The following KCNJ10 variants were observed in gnomAD, a reference collection of about 807,000 sequenced individuals.
The protein encoded by KCNJ10 is potassium inwardly rectifying channel subfamily J member 10, also known as ATP-sensitive inward rectifier potassium channel 10.
KCNJ10 carries 9 observed loss-of-function variants against 22.2 expected under a neutral mutation model. The ratio of observed to expected loss-of-function variants is 0.40; its 90% CI spans 0.24 to 0.71. The LOEUF is 0.71. Ranked by LOEUF, KCNJ10 falls within the 30% of genes least tolerant of loss-of-function variation. The pLI, the probability that KCNJ10 is intolerant of heterozygous loss-of-function variation, is 0.35. For missense variants in KCNJ10, 337 were observed against 482.7 expected, an observed-to-expected ratio of 0.70 and a Z score of 2.83; for synonymous variants, 184 against 187.3, an observed-to-expected ratio of 0.98 and a Z score of 0.15.
At chr1:160,056,488 C>G (rs1649038876) in intron 1 of KCNJ10, among the ~76,000 whole-genome samples, 1 of 152,182 alleles carries the variant, frequency 6.6e-6, no homozygotes, top group Non-Finnish European at 1.5e-5. Flanking sequence ...CTGCCTGCTC[C>G]AAGACTCCCC....
intron 1 of KCNJ10, among the ~76,000 whole-genome samples, chr1:160,054,967 T>C (rs1360628871): frequency 6.6e-6 from 1 of 152,176 alleles, no homozygotes; most frequent in Non-Finnish European, 1.5e-5. Context: ...CTCCACCCCA[T>C]GCGGAAGACT....
At position 160,041,801 on chromosome 1, in the gene KCNJ10, A is replaced by T; in HGVS notation, c.732T>A (p.Ser244=). ...VNVTFQVDTA[S]DSPFLILPLT... ...GGGGTAGAATAAGGAAGGGGCTGTC[A>T]GAGGCTGTGTCTACTTGGAAAGTCA... The change falls in exon 2 of 2, where the codon TCT becomes TCA. Residue 244 remains serine (S), a synonymous_variant. Coordinates refer to ENST00000644903, the MANE Select transcript of KCNJ10 (RefSeq NM_002241.5). This position sits in a 1 kb window ranked among gnomAD's most constrained non-coding sequence, Gnocchi z 4.4. 1 of 1,614,234 alleles carries T rather than the reference A, an allele frequency of 6.2e-7. No individual in the cohort carries two copies. The highest frequency in any genetic ancestry group is 8.5e-7 in the Non-Finnish European group (1 of 1,180,036).
chr1:160,042,481 G>T lies in KCNJ10; in HGVS notation c.52C>A (p.Arg18=). ...YYSQTTQTES[R]PLMGPGIRRR... ...CGTATCCCTGGGCCCATTAGGGGCC[G>T]GCTTTCTGTCTGAGTGGTCTGACTG... Residue 18 remains arginine (R), a synonymous_variant, in exon 2 of 2, where the codon CGG becomes AGG. Coordinates refer to ENST00000644903, the MANE Select transcript of KCNJ10 (RefSeq NM_002241.5). The T allele has an allele frequency of 6.2e-7, 1 of 1,614,154 alleles. No homozygotes were observed. The highest frequency in any genetic ancestry group is 2.2e-5 in the East Asian group (1 of 44,878).
chr1:160,048,817 C>A lies in KCNJ10; in HGVS notation c.1-6285G>T, dbSNP rs192026247. ...GCTGTGGATTTATTATTTGTGCCTC[C>A]TCTCCTTCATTCCATTGTCTTTTTT... On this transcript the variant is annotated intron_variant, in intron 1 of 1. Transcript: ENST00000644903. Among the ~76,000 whole-genome samples, 201 of 152,110 alleles carry A rather than the reference C, an allele frequency of 1.3e-3. 2 individuals carry two copies. The highest frequency in any genetic ancestry group is 7.9e-3 in the South Asian group (38 of 4,802).
intron 1 of KCNJ10, among the ~76,000 whole-genome samples, chr1:160,055,229 G>A (rs937158582): frequency 2.0e-5 from 3 of 152,178 alleles, no homozygotes; most frequent in African/African-American, 7.2e-5. Flanking sequence ...ATGGGGTTTT[G>A]AAGTCTACAA....
chr1:160,057,007 C>T (rs1008612959), intron 1 of KCNJ10, among the ~76,000 whole-genome samples: 5 of 152,146 alleles, frequency 3.3e-5, no homozygotes, highest in African/African-American at 1.2e-4. Flanking sequence ...ATTCTCCTTT[C>T]CCGCTATTTG....
At position 160,041,912 on chromosome 1, in the gene KCNJ10, G is replaced by A. The variant is rs773264776; in HGVS notation, c.621C>T (p.Leu207=). The A allele has an allele frequency of 9.9e-6, 16 of 1,614,034 alleles. No homozygotes were observed. The highest frequency in any genetic ancestry group is 3.3e-5 in the Admixed American group (2 of 60,008). Residue 207 remains leucine, a synonymous_variant, in exon 2 of 2, where the codon CTC becomes CTT. Coordinates refer to ENST00000644903, the MANE Select transcript of KCNJ10 (RefSeq NM_002241.5). This position sits in a 1 kb window ranked among gnomAD's most constrained non-coding sequence, Gnocchi z 4.4. ...TTCCTGTCACCTGGCAGCCAATGAG[G>A]AGGCTTTTGCGCATATTGGCAACTC... ...MIRVANMRKS[L]LIGCQVTGKL... is the part of the protein sequence containing the mutation.
At chr1:160,050,366 C>CAA (rs1051309105) in intron 1 of KCNJ10, among the ~76,000 whole-genome samples, 5 of 151,620 alleles carry the variant, frequency 3.3e-5, no homozygotes, top group Non-Finnish European at 5.9e-5. Flanking sequence ...CTCCTGGGCT[C>CAA]AAGCCATCCT....
At chr1:160,049,675 T>A (rs868840777) in intron 1 of KCNJ10, among the ~76,000 whole-genome samples, 25 of 47,096 alleles carry the variant, frequency 5.3e-4, no homozygotes, top group East Asian at 3.3e-3. Context: ...TTTTATTTAT[T>A]TATATATATA....
chr1:160,044,824 G>A (rs1440809145), intron 1 of KCNJ10: 1 of 152,132 alleles, frequency 6.6e-6, no homozygotes, highest in Non-Finnish European at 1.5e-5. Flanking sequence ...AAACCATCCT[G>A]GGAAACAGCA....
At position 160,049,678 on chromosome 1, in the gene KCNJ10, TATATATATATATA is replaced by T. The variant is rs1557970337; in HGVS notation, c.1-7159_1-7147del. On this transcript the variant is annotated intron_variant, in intron 1 of 1. Transcript: ENST00000644903. Reference sequence around the variant, plus strand: ...AAGGATCCAGCATTTTATTTATTTATATATATATATATATATATATATATATATATATATATAT... The same window carrying T: ...AAGGATCCAGCATTTTATTTATTTATTATATATATATATATATATATATAT... Among the ~76,000 whole-genome samples, 73 of 51,984 alleles carry T rather than the reference TATATATATATATA, an allele frequency of 1.4e-3. 2 individuals carry two copies. The highest frequency in any genetic ancestry group is 3.9e-3 in the East Asian group (6 of 1,520). 34.1% of individuals were successfully genotyped at this position (51,984 alleles called of 152,430 possible).
rs1157699580 is a variant in KCNJ10, at chr1:160,038,468, CCCCTCCCTTT to C, written c.*2915_*2924del. 1.3e-5 allele frequency: 2 copies of C among 152,078 alleles called. No individual in the cohort carries two copies. Among genetic ancestry groups the C allele is most frequent in the Non-Finnish European group, 2.9e-5 (2 of 68,012 alleles). The allele number at this position is 152,078 out of a possible 1,614,324, so 9.4% of individuals were successfully genotyped here. A position where few individuals can be genotyped will look rare whatever the true frequency, so the allele number is the denominator to read the frequency against. On this transcript the variant is annotated 3_prime_UTR_variant, in exon 2 of 2. Coordinates refer to ENST00000644903, the MANE Select transcript of KCNJ10 (RefSeq NM_002241.5). ...CTTTATTTCTGAAAAGGAACTTCTA[CCCCTCCCTTT>C]CCCATTTCCAGACTTGAAATCCTTC... is the stretch of plus-strand genomic sequence containing the variant.
intron 1 of KCNJ10, among the ~76,000 whole-genome samples, chr1:160,067,631 C>CGA (rs1649351166): frequency 6.6e-6 from 1 of 152,012 alleles, no homozygotes; most frequent in African/African-American, 2.4e-5. Context: ...GAATCTAGGC[C>CGA]GAGGAGGGGA....
chr1:160,049,710 T>TGTTATATTTTATATAAC (rs1310848720), intron 1 of KCNJ10, among the ~76,000 whole-genome samples: 2 of 129,258 alleles, frequency 1.5e-5, no homozygotes, highest in African/African-American at 2.9e-5. Context: ...TATATATATA[T>TGTTATATTTTATATAAC]ATATATATAT....
At chr1:160,049,719 A>ATG (rs1648855956) in intron 1 of KCNJ10, among the ~76,000 whole-genome samples, 1 of 110,242 alleles carries the variant, frequency 9.1e-6, no homozygotes, top group Non-Finnish European at 1.8e-5. Context: ...ATATATATAT[A>ATG]TGTTATCCTA....
At chr1:160,061,984 G>T (rs1649208159) in intron 1 of KCNJ10, among the ~76,000 whole-genome samples, 1 of 151,998 alleles carries the variant, frequency 6.6e-6, no homozygotes, top group African/African-American at 2.4e-5. Context: ...GCAGCCACAG[G>T]TCCAGGCTGG....
At chr1:160,045,808 T>C (rs1253959729) in intron 1 of KCNJ10, among the ~76,000 whole-genome samples, 1 of 152,160 alleles carries the variant, frequency 6.6e-6, no homozygotes, top group African/African-American at 2.4e-5. Flanking sequence ...ATATAATGAA[T>C]GTGTGCAAAT....
intron 1 of KCNJ10, among the ~76,000 whole-genome samples, chr1:160,053,915 G>C (rs1230136964): frequency 6.6e-6 from 1 of 152,170 alleles, no homozygotes; most frequent in Non-Finnish European, 1.5e-5. Flanking sequence ...AGGGACAAAA[G>C]ATGGGGCCAC....
In KCNJ10 at chr1:160,041,916, C is replaced by G; in HGVS notation, c.617G>C (p.Ser206Thr). The G allele has an allele frequency of 6.2e-7, 1 of 1,613,874 alleles. No individual in the cohort carries two copies. Among genetic ancestry groups the G allele is most frequent in the Non-Finnish European group, 8.5e-7 (1 of 1,179,810 alleles). Residue 206 changes from serine (S) to threonine (T), a missense_variant, in exon 2 of 2, where the codon AGC becomes ACC. By Grantham distance (58) the Ser-to-Thr change is moderately conservative (BLOSUM62 1). Coordinates refer to ENST00000644903, the MANE Select transcript of KCNJ10 (RefSeq NM_002241.5). The surrounding 1 kb of genome is among the most constrained non-coding windows in gnomAD (Gnocchi z 4.4). ...TGTCACCTGGCAGCCAATGAGGAGG[C>G]TTTTGCGCATATTGGCAACTCGGAT... ...LMIRVANMRK[S>T]LLIGCQVTGK...
Sources: allele counts gnomAD v4.1 joint callset (sites outside exome capture counted in the v4.1 genomes callset), GRCh38; gene constraint gnomAD v4.1.1; non-coding constraint Gnocchi (gnomAD v3.1); transcripts MANE v1.5; gene names NCBI Gene and HGNC (gene_info 2026-07-23, HGNC 2026-07-21).